The following TOP2B variants were observed in gnomAD, a reference collection of about 807,000 sequenced individuals.
TOP2B encodes the protein DNA topoisomerase II beta, also known as DNA topoisomerase 2-beta.
In TOP2B, 51 loss-of-function variants were observed where a neutral mutation model predicts 193.5. The ratio of observed to expected loss-of-function variants is 0.26; its 90% CI spans 0.21 to 0.33. TOP2B has a LOEUF of 0.33. TOP2B is among the 10% of genes least tolerant of loss of function. TOP2B has a pLI of 1.00. For missense variants in TOP2B, 1,378 were observed against 1,909.3 expected, an observed-to-expected ratio of 0.72 and a Z score of 5.19; for synonymous variants, 634 against 635.7, an observed-to-expected ratio of 1.00 and a Z score of 0.04.
chr3:25,645,193 G>T, intron 2 of TOP2B, 107 bp downstream of exon 2: 1 of 1,061,808 alleles, frequency 9.4e-7, no homozygotes, highest in Non-Finnish European at 1.4e-6. Context: ...TATGACAGAT[G>T]AAATTACAAA....
chr3:25,631,323 C>T (rs1343885680), intron 10 of TOP2B, among the ~76,000 whole-genome samples: 2 of 151,990 alleles, frequency 1.3e-5, no homozygotes, highest in South Asian at 2.1e-4. Context: ...CAATACAAAA[C>T]GTGAGTCTTT....
At chr3:25,606,955 A>G (rs1055486381) in intron 31 of TOP2B, among the ~76,000 whole-genome samples, 1 of 152,134 alleles carries the variant, frequency 6.6e-6, no homozygotes, top group Non-Finnish European at 1.5e-5. Context: ...AGCCTAAAAC[A>G]TTTACTATTG....
At chr3:25,660,274 G>T (rs1703870123) in intron 1 of TOP2B, among the ~76,000 whole-genome samples, 1 of 152,138 alleles carries the variant, frequency 6.6e-6, no homozygotes, top group Non-Finnish European at 1.5e-5. Context: ...ACTGAGACTG[G>T]ATTACGTATC....
At chr3:25,638,436 T>C (rs1703169308) in intron 4 of TOP2B, 126 bp from the exon 5 acceptor site, 4 of 1,146,616 alleles carry the variant, frequency 3.5e-6, no homozygotes, top group Non-Finnish European at 4.5e-6. Flanking sequence ...TATAAGATAC[T>C]AGTCATTATC....
intron 25 of TOP2B, among the ~76,000 whole-genome samples, chr3:25,617,636 A>T (rs752833468): frequency 6.6e-6 from 1 of 152,182 alleles, no homozygotes; most frequent in Admixed American, 6.5e-5. Context: ...ATGTTATGGA[A>T]TCATATATGC....
intron 1 of TOP2B, among the ~76,000 whole-genome samples, chr3:25,648,556 A>G (rs76908878): frequency 0.018 from 2,725 of 152,340 alleles, 39 homozygotes; most frequent in Middle Eastern, 0.044. Context: ...AGCCGATTCA[A>G]TGTAAAAAAC....
Position 25,618,590 on chromosome 3 carries a change from T to C in TOP2B, c.3259+64A>G, listed in dbSNP as rs1702573374. On this transcript the variant is annotated intron_variant, in intron 24 of 35. Coordinates refer to ENST00000264331, the MANE Select transcript of TOP2B (RefSeq NM_001330700.2). ...CTTATATTCTACTGATAAAAATGTCTTCTATTAATAAAGTTTTTTTTCCAT... is the reference window on the plus strand; with the variant it reads ...CTTATATTCTACTGATAAAAATGTCCTCTATTAATAAAGTTTTTTTTCCAT... 5 of 1,522,284 alleles carry C rather than the reference T, an allele frequency of 3.3e-6. No homozygotes were observed. In the African/African-American group the frequency reaches 4.6e-5, roughly 14 times the overall value. The allele number at this position is 1,522,284 out of a possible 1,614,324, so 94.3% of individuals were successfully genotyped here.
intron 22 of TOP2B, 68 bp downstream of exon 22, chr3:25,620,614 C>A (rs1238443923): frequency 6.6e-7 from 1 of 1,513,870 alleles, no homozygotes; most frequent in Non-Finnish European, 8.9e-7. Context: ...ACGGTGGAAT[C>A]ATCCTTACCA....
chr3:25,648,563 A>AAT (rs1419205078), intron 1 of TOP2B, among the ~76,000 whole-genome samples: 1 of 152,224 alleles, frequency 6.6e-6, no homozygotes, highest in Non-Finnish European at 1.5e-5. Context: ...TCAATGTAAA[A>AAT]AACTAAATTG....
At chr3:25,629,254 A>G (rs1472596885) in intron 13 of TOP2B, 109 bp from the exon 14 acceptor site, 1 of 716,796 alleles carries the variant, frequency 1.4e-6, no homozygotes, top group Non-Finnish European at 2.2e-6. Context: ...TCTGAATTTT[A>G]GAAATGCATT....
intron 1 of TOP2B, among the ~76,000 whole-genome samples, chr3:25,650,154 T>C (rs1460413195): frequency 1.3e-5 from 2 of 152,232 alleles, no homozygotes; most frequent in African/African-American, 2.4e-5. Flanking sequence ...TTGCTCTTGT[T>C]TGATGAAAGG....
At chr3:25,603,346 C>A (rs1335022438) in intron 33 of TOP2B, among the ~76,000 whole-genome samples, 1 of 152,144 alleles carries the variant, frequency 6.6e-6, no homozygotes, top group African/African-American at 2.4e-5. Context: ...TCAAGCGATT[C>A]TTGTGCCTCA....
Position 25,624,682 on chromosome 3 carries a change from T to C in TOP2B, c.2346A>G (p.Glu782=). The change falls in exon 19 of 36, where the codon GAA becomes GAG. Residue 782 remains glutamate, a splice_region_variant and synonymous_variant. Coordinates refer to ENST00000264331, the MANE Select transcript of TOP2B (RefSeq NM_001330700.2). ...VAEMSAYHHG[E]QALMMTIVNL... is the part of the protein sequence containing the mutation. ...AATTGATTCCAATCTTAATGCTTAC[T>C]TCTCCATGATGATAAGCCGACATCT... is the stretch of plus-strand genomic sequence containing the variant. The C allele has an allele frequency of 6.2e-7, 1 of 1,613,436 alleles. No individual in the cohort carries two copies. Among genetic ancestry groups the C allele is most frequent in the Non-Finnish European group, 8.5e-7 (1 of 1,179,690 alleles).
intron 21 of TOP2B, among the ~76,000 whole-genome samples, chr3:25,622,811 T>C (rs755462769): frequency 6.6e-6 from 1 of 152,250 alleles, no homozygotes; most frequent in Admixed American, 6.5e-5. Flanking sequence ...CGGCTAATTT[T>C]TGTATTTTTA....
At chr3:25,637,100 G>GA in intron 6 of TOP2B, 115 bp downstream of exon 6, 2 of 763,030 alleles carry the variant, frequency 2.6e-6, no homozygotes, top group Non-Finnish European at 4.3e-6. Flanking sequence ...ATAATGCTTT[G>GA]GAAAAAAAAA....
In TOP2B at chr3:25,628,810, A is replaced by G. The variant is rs74788864; in HGVS notation, c.1906+37T>C. 4.5e-3 allele frequency: 5,466 copies of G among 1,220,176 alleles called. 194 individuals carry two copies. The African/African-American group carries it at 0.072, about 16-fold the overall frequency. The allele number at this position is 1,220,176 out of a possible 1,614,324, so 75.6% of individuals were successfully genotyped here. A position where few individuals can be genotyped will look rare whatever the true frequency, so the allele number is the denominator to read the frequency against. ...ATTGCTTTCATAAGAATACATTTAT[A>G]TCAGTATTTAAAATCTAAGTATTTT... On this transcript the variant is annotated intron_variant, in intron 15 of 35. Coordinates refer to ENST00000264331, the MANE Select transcript of TOP2B (RefSeq NM_001330700.2).
Position 25,664,236 on chromosome 3 carries a change from G to T in TOP2B, c.62C>A (p.Thr21Asn), listed in dbSNP as rs1282814678. 49 of 1,539,286 alleles carry T rather than the reference G, an allele frequency of 3.2e-5. No homozygotes were observed. The highest frequency in any genetic ancestry group is 4.1e-5 in the Non-Finnish European group (47 of 1,146,108). ...CGGGGACCAGCCACTTACCACCCAG[G>T]TCAGTGCCCCGTTGCCGCCGCCCAC... ...AGVGGGNGAL[T>N]WVTLFDQNNA... Residue 21 changes from threonine (T) to asparagine (N), a missense_variant, in exon 1 of 36, where the codon ACC (threonine) becomes AAC (asparagine). Physicochemically the swap from Thr to Asn is moderately conservative, Grantham distance 65. This residue lies in a region of TOP2B where 83 missense variants were observed against 59.3 expected (regional missense o/e 1.40). Transcript: ENST00000264331.
intron 1 of TOP2B, among the ~76,000 whole-genome samples, chr3:25,659,593 A>G (rs1455529460): frequency 2.6e-5 from 4 of 152,232 alleles, no homozygotes; most frequent in South Asian, 4.1e-4. Flanking sequence ...CCCAAAGCTA[A>G]CAAAACTAGT....
In TOP2B at chr3:25,598,248, G is replaced by C; in HGVS notation, c.*59C>G. On this transcript the variant is annotated 3_prime_UTR_variant, in exon 36 of 36. Coordinates refer to ENST00000264331, the MANE Select transcript of TOP2B (RefSeq NM_001330700.2). ...GCCAGATGTACAAAAGTCTGAGACA[G>C]AGAAGACAAAAGGACAACACAAGAT... 1 of 1,509,718 alleles carries C rather than the reference G, an allele frequency of 6.6e-7. No homozygotes were observed. Among genetic ancestry groups the C allele is most frequent in the South Asian group, 1.3e-5 (1 of 75,490 alleles). 93.5% of individuals were successfully genotyped at this position (1,509,718 alleles called of 1,614,324 possible).
Sources: allele counts gnomAD v4.1 joint callset (sites outside exome capture counted in the v4.1 genomes callset), GRCh38; gene constraint gnomAD v4.1.1; regional missense constraint gnomAD v4.1.1; transcripts MANE v1.5; gene names NCBI Gene and HGNC (gene_info 2026-07-23, HGNC 2026-07-21).